Variants in WAPL observed in about 807,000 individuals in gnomAD.
WAPL encodes the protein wings apart-like protein homolog.
WAPL carries 5 observed loss-of-function variants against 121.0 expected under a neutral mutation model. The ratio of observed to expected loss-of-function variants is 0.04; its 90% CI spans 0.02 to 0.09. WAPL has a LOEUF of 0.09. WAPL is among the 10% of genes least tolerant of loss of function. WAPL has a pLI of 1.00. For synonymous variants in WAPL, 480 were observed against 481.5 expected (o/e 1.00, Z 0.04); for missense variants, 999 against 1,410.8 (o/e 0.71, Z 4.68).
At chr10:86,481,671 C>G (rs1247594740) in intron 4 of WAPL, among the ~76,000 whole-genome samples, 2 of 151,864 alleles carry the variant, frequency 1.3e-5, no homozygotes, top group East Asian at 1.9e-4. Flanking sequence ...CCGCGCCGGG[C>G]TGAAAAATTT....
chr10:86,498,045 T>A (rs1323531250), intron 3 of WAPL, among the ~76,000 whole-genome samples: 1 of 152,224 alleles, frequency 6.6e-6, no homozygotes, highest in Admixed American at 6.5e-5. Flanking sequence ...TTTGGGTAGA[T>A]CAACCAAATG....
chr10:86,514,548 T>C (rs960088705), intron 2 of WAPL, among the ~76,000 whole-genome samples: 2 of 152,148 alleles, frequency 1.3e-5, no homozygotes, highest in East Asian at 1.9e-4. Context: ...TGTATTTTAG[T>C]ATGTATTTTC....
intron 15 of WAPL, among the ~76,000 whole-genome samples, chr10:86,448,048 CA>C (rs1849669621): frequency 6.7e-6 from 1 of 149,752 alleles, no homozygotes; most frequent in African/African-American, 2.5e-5. Context: ...ACTCTGTCTC[CA>C]AAAAAATTTA....
At chr10:86,487,768 G>A (rs537366865) in intron 4 of WAPL, among the ~76,000 whole-genome samples, 10 of 152,234 alleles carry the variant, frequency 6.6e-5, no homozygotes, top group African/African-American at 1.2e-4. Context: ...GGTGGTGGGC[G>A]CCTGTAGTCC....
intron 4 of WAPL, among the ~76,000 whole-genome samples, chr10:86,494,474 G>C (rs1842112884): frequency 1.3e-5 from 2 of 152,150 alleles, no homozygotes; most frequent in South Asian, 4.1e-4. Flanking sequence ...TTTCCTTGAA[G>C]TATTTGCTTC....
chr10:86,510,049 A>G (rs543193984), intron 2 of WAPL, among the ~76,000 whole-genome samples: 31 of 137,302 alleles, frequency 2.3e-4, no homozygotes, highest in Admixed American at 1.5e-3. Flanking sequence ...GATTACAGGC[A>G]TCAGCCACTC....
intron 2 of WAPL, among the ~76,000 whole-genome samples, chr10:86,504,914 C>CAT (rs1000866830): frequency 3.9e-5 from 6 of 152,056 alleles, no homozygotes; most frequent in South Asian, 2.1e-4. Context: ...AACATTCATT[C>CAT]ATATATATAT....
At chr10:86,467,010 T>C (rs547591783) in intron 9 of WAPL, 6 of 342,014 alleles carry the variant, frequency 1.8e-5, no homozygotes, top group Admixed American at 4.5e-5. Context: ...CCCTTTTTTT[T>C]CTTAAAAAAT....
intron 12 of WAPL, among the ~76,000 whole-genome samples, chr10:86,455,300 A>T (rs925302049): frequency 6.6e-6 from 1 of 152,242 alleles, no homozygotes; most frequent in Non-Finnish European, 1.5e-5. Context: ...GTGTAGAAAG[A>T]AGTAGACATA....
intron 11 of WAPL, 97 bp downstream of exon 11, chr10:86,460,302 C>A (rs1213672536): frequency 5.4e-6 from 5 of 925,578 alleles, no homozygotes; most frequent in Non-Finnish European, 8.4e-6. Flanking sequence ...CAGAAGTGAA[C>A]CTCCAGGGGT....
chr10:86,445,000 TGGG>T (rs1350659261), intron 16 of WAPL, among the ~76,000 whole-genome samples: 2 of 143,758 alleles, frequency 1.4e-5, no homozygotes, highest in Non-Finnish European at 3.0e-5. Flanking sequence ...TGGGGAGGAG[TGGG>T]AGTAACAGGA....
chr10:86,510,787 A>C lies in WAPL; in HGVS notation c.499+6784T>G, dbSNP rs115298699. On this transcript the variant is annotated intron_variant, in intron 2 of 18. Coordinates refer to ENST00000298767, the MANE Select transcript of WAPL (RefSeq NM_015045.5). The stretch of plus-strand genomic sequence containing the variant: ...GTAGTAGAAAATATCTATAAAAATC[A>C]AGTCAAAAACTTTATTCGGTAAGTA... 9.5e-3 allele frequency among the ~76,000 whole-genome samples: 1,451 copies of C among 152,346 alleles called. 28 individuals are homozygous for C. Among genetic ancestry groups the C allele is most frequent in the African/African-American group, 0.032 (1,349 of 41,578 alleles).
At chr10:86,481,820 T>C (rs1280622846) in intron 4 of WAPL, among the ~76,000 whole-genome samples, 2 of 151,692 alleles carry the variant, frequency 1.3e-5, no homozygotes, top group South Asian at 2.1e-4. Context: ...CCTTTTTATA[T>C]AGTTTTGACT....
At chr10:86,437,699 A>C in intron 18 of WAPL, 91 bp from the exon 19 acceptor site, 1 of 1,351,748 alleles carries the variant, frequency 7.4e-7, no homozygotes, top group Non-Finnish European at 1.0e-6. Flanking sequence ...AGATTTACTA[A>C]ACTGAACACT....
intron 2 of WAPL, among the ~76,000 whole-genome samples, chr10:86,517,015 G>A (rs1270054616): frequency 6.6e-6 from 1 of 151,940 alleles, no homozygotes; most frequent in African/African-American, 2.4e-5. Context: ...CCTGGGAGGC[G>A]GAGCCAGCAT....
intron 3 of WAPL, among the ~76,000 whole-genome samples, chr10:86,499,270 G>A (rs1264987540): frequency 6.6e-6 from 1 of 152,104 alleles, no homozygotes; most frequent in Non-Finnish European, 1.5e-5. Flanking sequence ...GGTGATTTAC[G>A]GTTCTAACAG....
At chr10:86,462,721 C>CAAAAAA (rs59998538) in intron 9 of WAPL, among the ~76,000 whole-genome samples, 23 of 80,592 alleles carry the variant, frequency 2.9e-4, no homozygotes, top group South Asian at 5.2e-4. Flanking sequence ...GATCCCGTCT[C>CAAAAAA]AAAAAAAAAA....
intron 16 of WAPL, among the ~76,000 whole-genome samples, chr10:86,444,897 A>AAAG (rs1849566751): frequency 6.7e-6 from 1 of 148,872 alleles, no homozygotes; most frequent in South Asian, 2.1e-4. Context: ...TACGCCAAAA[A>AAAG]AAAAAAAAAA....
At chr10:86,469,972 C>T (rs1841499166) in intron 8 of WAPL, among the ~76,000 whole-genome samples, 1 of 152,068 alleles carries the variant, frequency 6.6e-6, no homozygotes, top group South Asian at 2.1e-4. Context: ...AGAGATCCTC[C>T]CTTAGTCTCC....
Sources: gnomAD v4.1 joint callset for allele counts (sites outside exome capture counted in the v4.1 genomes callset) on GRCh38, gnomAD v4.1.1 for gene constraint, MANE v1.5 for transcripts, NCBI Gene and HGNC (gene_info 2026-07-23, HGNC 2026-07-21) for gene names.